Variants in SUSD4 observed in about 807,000 individuals in gnomAD.
SUSD4 encodes the protein sushi domain containing 4, also known as sushi domain-containing protein 4.
In SUSD4, 41 loss-of-function variants were observed where a neutral mutation model predicts 50.5. The ratio of observed to expected loss-of-function variants is 0.81; its 90% CI spans 0.63 to 1.05. The LOEUF is 1.05. Among genes scored for constraint, SUSD4 ranks in the 50% least tolerant of loss-of-function variants. The probability of loss-of-function intolerance (pLI) is 0.00; values close to 1 mark genes in which losing one functional copy is unlikely to be tolerated. For synonymous variants in SUSD4, 257 were observed against 257.3 expected (o/e 1.00, Z 0.01); for missense variants, 580 against 634.7 (o/e 0.91, Z 0.93).
At chr1:223,253,066 G>A (rs1005648438) in intron 5 of SUSD4, among the ~76,000 whole-genome samples, 1 of 151,790 alleles carries the variant, frequency 6.6e-6, no homozygotes, top group Non-Finnish European at 1.5e-5. Flanking sequence ...ACTCCAGCCT[G>A]GGTGAGACAG....
At position 223,229,131 on chromosome 1, in the gene SUSD4, C is replaced by T. The variant is rs1204492644; in HGVS notation, c.916+66G>A. On this transcript the variant is annotated intron_variant, in intron 6 of 8. Coordinates refer to ENST00000366878, the MANE Select transcript of SUSD4 (RefSeq NM_017982.4). This position sits in a 1 kb window ranked among gnomAD's most constrained non-coding sequence, Gnocchi z 4.7. Reference sequence around the variant, plus strand: ...GAGATACAGCTTGGTACATAACCACCACCCACTATGTGCAGATGGTCCAAG... The same window carrying T: ...GAGATACAGCTTGGTACATAACCACTACCCACTATGTGCAGATGGTCCAAG... The T allele has an allele frequency of 2.7e-6, 4 of 1,480,268 alleles. No individual in the cohort carries two copies. The East Asian group carries it at 9.2e-5, about 34-fold the overall frequency. 91.7% of individuals were successfully genotyped at this position (1,480,268 alleles called of 1,614,324 possible). A position where few individuals can be genotyped will look rare whatever the true frequency, so the allele number is the denominator to read the frequency against.
At chr1:223,242,673 T>C (rs1251404184) in intron 5 of SUSD4, among the ~76,000 whole-genome samples, 2 of 152,234 alleles carry the variant, frequency 1.3e-5, no homozygotes, top group Admixed American at 1.3e-4. Flanking sequence ...GCATGTTAGT[T>C]ACTCCCCTCA....
At chr1:223,341,394 G>C (rs572093235) in intron 2 of SUSD4, among the ~76,000 whole-genome samples, 1 of 152,318 alleles carries the variant, frequency 6.6e-6, no homozygotes, top group Admixed American at 6.5e-5. Flanking sequence ...CTCTAGCCCA[G>C]GCTCCACACG....
intron 2 of SUSD4, among the ~76,000 whole-genome samples, chr1:223,295,879 TGATTAC>T (rs1664789970): frequency 1.3e-5 from 2 of 149,974 alleles, no homozygotes; most frequent in African/African-American, 4.9e-5. Context: ...AGCAGGGAAG[TGATTAC>T]GATCAGATTC....
Position 223,229,482 on chromosome 1 carries a change from A to T in SUSD4, c.725-94T>A. The T allele has an allele frequency of 2.5e-6, 3 of 1,218,972 alleles. No homozygotes were observed. Among genetic ancestry groups the T allele is most frequent in the South Asian group, 1.9e-5 (1 of 52,132 alleles). 75.5% of individuals were successfully genotyped at this position (1,218,972 alleles called of 1,614,324 possible). ...AAGAATGGCCTAGGAGAACTCAGTT[A>T]AAAATGTGCTTATGGATTAATCACC... On this transcript the variant is annotated intron_variant, in intron 5 of 8. Coordinates refer to ENST00000366878, the MANE Select transcript of SUSD4 (RefSeq NM_017982.4). The surrounding 1 kb of genome is among the most constrained non-coding windows in gnomAD (Gnocchi z 4.7).
chr1:223,331,879 A>G (rs1344059601), intron 2 of SUSD4, among the ~76,000 whole-genome samples: 1 of 152,214 alleles, frequency 6.6e-6, no homozygotes, highest in Non-Finnish European at 1.5e-5. Context: ...CTGAAGGCCA[A>G]TGATGAAATG....
At chr1:223,361,800 A>C (rs1160527715) in intron 2 of SUSD4, among the ~76,000 whole-genome samples, 1 of 152,246 alleles carries the variant, frequency 6.6e-6, no homozygotes, top group Non-Finnish European at 1.5e-5. Context: ...TGGGAGGCAA[A>C]AGCAGAGAGG....
intron 3 of SUSD4, among the ~76,000 whole-genome samples, chr1:223,274,828 G>C (rs1048809532): frequency 2.0e-5 from 3 of 152,040 alleles, no homozygotes; most frequent in Admixed American, 1.3e-4. Flanking sequence ...AATAAAGAAA[G>C]TCTCAAAAAA....
At position 223,227,446 on chromosome 1, in the gene SUSD4, T is replaced by C. The variant is rs1049629502; in HGVS notation, c.1061+148A>G. ...AAAATGAGGTCTGTCTCCAGCTTTG[T>C]GCTCAAAACATCCCAGAACATTGTT... On this transcript the variant is annotated intron_variant, in intron 7 of 8. Transcript: ENST00000366878. This position sits in a 1 kb window ranked among gnomAD's most constrained non-coding sequence, Gnocchi z 4.5. The C allele has an allele frequency of 1.8e-6, 2 of 1,095,776 alleles. No individual in the cohort carries two copies. The highest frequency in any genetic ancestry group is 2.6e-6 in the Non-Finnish European group (2 of 779,142). The allele number at this position is 1,095,776 out of a possible 1,614,324, so 67.9% of individuals were successfully genotyped here. A position where few individuals can be genotyped will look rare whatever the true frequency, so the allele number is the denominator to read the frequency against.
At chr1:223,359,897 T>TA (rs1239733536) in intron 2 of SUSD4, among the ~76,000 whole-genome samples, 5 of 151,806 alleles carry the variant, frequency 3.3e-5, no homozygotes, top group Admixed American at 6.6e-5. Context: ...GAGTTCTAGG[T>TA]AAAAATAACA....
chr1:223,359,427 A>G (rs1030961702), intron 2 of SUSD4, among the ~76,000 whole-genome samples: 1 of 152,010 alleles, frequency 6.6e-6, no homozygotes, highest in African/African-American at 2.4e-5. Flanking sequence ...CCACCATCCT[A>G]TCCTAAGTGC....
Position 223,268,571 on chromosome 1 carries a change from G to C in SUSD4, c.466C>G (p.Pro156Ala). 6.2e-7 allele frequency: 1 copy of C among 1,614,120 alleles called. No homozygotes were observed. Among genetic ancestry groups the C allele is most frequent in the East Asian group, 2.2e-5 (1 of 44,880 alleles). Residue 156 changes from proline to alanine, a missense_variant, in exon 4 of 9, where the codon CCC (proline) becomes GCC (alanine). By Grantham distance (27) the Pro-to-Ala change is conservative. Coordinates refer to ENST00000366878, the MANE Select transcript of SUSD4 (RefSeq NM_017982.4). ...AATGAAACCATATTGTGTAGGTCGG[G>C]GTACCGGATCTTGAATCCTTCATGA... ...TCHEGFKIRY[P>A]DLHNMVSLCR...
intron 5 of SUSD4, among the ~76,000 whole-genome samples, chr1:223,232,076 C>CA (rs1202721153): frequency 6.6e-6 from 1 of 152,164 alleles, no homozygotes; most frequent in Non-Finnish European, 1.5e-5. Flanking sequence ...CACAGAAAGA[C>CA]AAGATACTGC....
At chr1:223,226,693 G>C (rs904440636) in intron 7 of SUSD4, among the ~76,000 whole-genome samples, 1 of 152,212 alleles carries the variant, frequency 6.6e-6, no homozygotes, top group Non-Finnish European at 1.5e-5. Flanking sequence ...GGACTAGGCT[G>C]TCCCTGTGGG....
intron 7 of SUSD4, among the ~76,000 whole-genome samples, chr1:223,225,639 G>A (rs1435706256): frequency 6.6e-6 from 1 of 152,176 alleles, no homozygotes; most frequent in Non-Finnish European, 1.5e-5. Flanking sequence ...TCACTGTCTT[G>A]TGCTGGCCTC....
Position 223,304,136 on chromosome 1 carries a change from G to A in SUSD4, c.149-11485C>T, listed in dbSNP as rs186349350. On this transcript the variant is annotated intron_variant, in intron 2 of 8. Coordinates refer to ENST00000366878, the MANE Select transcript of SUSD4 (RefSeq NM_017982.4). Reference sequence around the variant, plus strand: ...CCATATGAACAGGCGCCCCTCATGCGTCCGTTTATAGGCTCTCCACAAGGG... The same window carrying A: ...CCATATGAACAGGCGCCCCTCATGCATCCGTTTATAGGCTCTCCACAAGGG... Among the ~76,000 whole-genome samples the A allele has an allele frequency of 6.0e-3, 907 of 152,242 alleles. 3 individuals carry two copies. The highest frequency in any genetic ancestry group is 8.3e-3 in the Non-Finnish European group (566 of 68,022).
At chr1:223,276,048 G>A (rs1663242764) in intron 3 of SUSD4, among the ~76,000 whole-genome samples, 1 of 152,242 alleles carries the variant, frequency 6.6e-6, no homozygotes, top group Non-Finnish European at 1.5e-5. Flanking sequence ...ACTGCTCAAA[G>A]ACTGGCATGA....
chr1:223,233,467 C>T (rs1660020570), intron 5 of SUSD4, among the ~76,000 whole-genome samples: 1 of 152,152 alleles, frequency 6.6e-6, no homozygotes, highest in African/African-American at 2.4e-5. Flanking sequence ...CCAACACTGC[C>T]TCTCACTATG....
chr1:223,346,953 C>A (rs995628958), intron 2 of SUSD4, among the ~76,000 whole-genome samples: 1 of 152,168 alleles, frequency 6.6e-6, no homozygotes, highest in African/African-American at 2.4e-5. Flanking sequence ...AAACCCCCTG[C>A]AGTTCACTTC....
Sources: allele counts gnomAD v4.1 joint callset (sites outside exome capture counted in the v4.1 genomes callset), GRCh38; gene constraint gnomAD v4.1.1; non-coding constraint Gnocchi (gnomAD v3.1); transcripts MANE v1.5; gene names NCBI Gene and HGNC (gene_info 2026-07-23, HGNC 2026-07-21).